ARHGAP12: variants seen among roughly 807,000 people sequenced by gnomAD.
ARHGAP12 encodes rho GTPase-activating protein 12.
ARHGAP12 carries 64 observed loss-of-function variants against 108.6 expected under a neutral mutation model. The observed-to-expected ratio is 0.59, with a 90% CI of 0.48 to 0.73. The LOEUF (loss-of-function observed/expected upper bound fraction) is 0.73, where lower values mean the gene tolerates loss of function less well. Ranked by LOEUF, ARHGAP12 falls within the 30% of genes least tolerant of loss-of-function variation. The probability of loss-of-function intolerance (pLI) is 0.00; values close to 1 mark genes in which losing one functional copy is unlikely to be tolerated. For synonymous variants in ARHGAP12, 312 were observed against 337.2 expected (o/e 0.93, Z 0.82); for missense variants, 940 against 1,005.9 (o/e 0.93, Z 0.89).
At chr10:31,814,526 T>C (rs1186202721) in intron 13 of ARHGAP12, among the ~76,000 whole-genome samples, 165 bp from the exon 14 acceptor site, 2 of 152,168 alleles carry the variant, frequency 1.3e-5, no homozygotes, top group East Asian at 3.8e-4. Context: ...ATACTTTTTT[T>C]CTCCCTAGAT....
intron 3 of ARHGAP12, among the ~76,000 whole-genome samples, chr10:31,869,620 C>T (rs1251337147): frequency 6.6e-6 from 1 of 152,140 alleles, no homozygotes; most frequent in Non-Finnish European, 1.5e-5. Flanking sequence ...TTATATCTGT[C>T]ATTAATTAAC....
chr10:31,819,822 G>A (rs1239074590), intron 12 of ARHGAP12, among the ~76,000 whole-genome samples: 5 of 152,114 alleles, frequency 3.3e-5, no homozygotes, highest in Non-Finnish European at 5.9e-5. Context: ...GCTCAGCCCA[G>A]GCCAGGCTGA....
chr10:31,838,945 G>T (rs1211674318), intron 9 of ARHGAP12, among the ~76,000 whole-genome samples: 1 of 152,018 alleles, frequency 6.6e-6, no homozygotes, highest in Non-Finnish European at 1.5e-5. Context: ...AGGGGCAGGT[G>T]GTTGAGGCTG....
chr10:31,809,565 G>T, intron 16 of ARHGAP12: 3 of 306,390 alleles, frequency 9.8e-6, no homozygotes, highest in South Asian at 6.4e-5. Flanking sequence ...TCAAGGAAAT[G>T]GTTTCATTAA....
Position 31,908,729 on chromosome 10 carries a change from C to A in ARHGAP12, c.127G>T (p.Val43Leu). 1 of 1,614,102 alleles carries A rather than the reference C, an allele frequency of 6.2e-7. No individual in the cohort carries two copies. Among genetic ancestry groups the A allele is most frequent in the Non-Finnish European group, 8.5e-7 (1 of 1,180,018 alleles). Residue 43 changes from valine to leucine, a missense_variant, in exon 3 of 20, where the codon GTG (valine) becomes TTG (leucine). Val to Leu is a conservative substitution (Grantham distance 32). Transcript: ENST00000344936. ...VIKQGERYIL[V>L]KKTNDDWWQV... ...CACCAGTCATCATTGGTCTTTTTCA[C>A]CAAGATGTACCTCTCCCCTTGTTTT...
chr10:31,893,284 A>C (rs1296743822), intron 3 of ARHGAP12, among the ~76,000 whole-genome samples: 1 of 152,062 alleles, frequency 6.6e-6, no homozygotes, highest in Admixed American at 6.6e-5. Flanking sequence ...GACACAAAAA[A>C]CCCTTCAAAA....
rs980989060 is a variant in ARHGAP12, at chr10:31,854,096, G to A, written c.1059C>T (p.Thr353=). ...CATTAGTATAGTCACTGGTATATAAGGTATGCCCACGTTCATCCAACTCTT... is the reference window on the plus strand; with the variant it reads ...CATTAGTATAGTCACTGGTATATAAAGTATGCCCACGTTCATCCAACTCTT... ...WSEELDERGH[T]LYTSDYTNEK... is the part of the protein sequence containing the mutation. The change falls in exon 5 of 20, where the codon ACC becomes ACT. Residue 353 remains threonine, a synonymous_variant. Transcript: ENST00000344936. 6.2e-7 allele frequency: 1 copy of A among 1,613,226 alleles called. No homozygotes were observed. Among genetic ancestry groups the A allele is most frequent in the Non-Finnish European group, 8.5e-7 (1 of 1,179,738 alleles).
At chr10:31,884,240 C>A (rs2799031) in intron 3 of ARHGAP12, among the ~76,000 whole-genome samples, 5 of 150,896 alleles carry the variant, frequency 3.3e-5, no homozygotes, top group Non-Finnish European at 7.4e-5. Flanking sequence ...CTAAAAAATT[C>A]TTAAATTATG....
In ARHGAP12 at chr10:31,926,718, C is replaced by T. The variant is rs138198096; in HGVS notation, c.-111+1965G>A. On this transcript the variant is annotated intron_variant, in intron 1 of 19. Coordinates refer to ENST00000344936, the MANE Select transcript of ARHGAP12 (RefSeq NM_018287.7). ...AGTACTTAAAAATTTGTAAAGTTCA[C>T]TTTCTATCAGCCTACTAAAAAACCA... 6.1e-4 allele frequency among the ~76,000 whole-genome samples: 93 copies of T among 152,284 alleles called. 1 individual carries two copies. In the South Asian group the frequency reaches 0.018, roughly 30 times the overall value.
chr10:31,924,465 T>A (rs1445985385), intron 1 of ARHGAP12, among the ~76,000 whole-genome samples: 2 of 152,196 alleles, frequency 1.3e-5, no homozygotes, highest in African/African-American at 2.4e-5. Flanking sequence ...GCAAAAGCTG[T>A]AATAGAGAAA....
chr10:31,857,306 C>T (rs1836924750), intron 4 of ARHGAP12, among the ~76,000 whole-genome samples: 1 of 152,064 alleles, frequency 6.6e-6, no homozygotes, highest in South Asian at 2.1e-4. Flanking sequence ...TCGGGAAACT[C>T]CCCTAAACAA....
chr10:31,881,107 T>A (rs1412780849), intron 3 of ARHGAP12, among the ~76,000 whole-genome samples: 1 of 151,006 alleles, frequency 6.6e-6, no homozygotes, highest in Non-Finnish European at 1.5e-5. Flanking sequence ...CCTGAGTGTC[T>A]GAGACTACAA....
intron 1 of ARHGAP12, among the ~76,000 whole-genome samples, chr10:31,920,059 T>G (rs1417175569): frequency 2.8e-5 from 4 of 142,874 alleles, no homozygotes; most frequent in African/African-American, 1.0e-4. Context: ...TGAGCCGAGA[T>G]CGCGCAACTG....
chr10:31,864,450 C>G (rs1290006122), intron 3 of ARHGAP12, among the ~76,000 whole-genome samples: 1 of 151,960 alleles, frequency 6.6e-6, no homozygotes, highest in Non-Finnish European at 1.5e-5. Context: ...AAAATAAAAC[C>G]AACTTCATAA....
intron 3 of ARHGAP12, among the ~76,000 whole-genome samples, chr10:31,905,418 T>G (rs1269046982): frequency 6.6e-6 from 1 of 152,176 alleles, no homozygotes; most frequent in Non-Finnish European, 1.5e-5. Context: ...TTATCAACAA[T>G]GAAACCATGA....
chr10:31,869,441 G>A (rs942951026), intron 3 of ARHGAP12, among the ~76,000 whole-genome samples: 1 of 152,080 alleles, frequency 6.6e-6, no homozygotes, highest in African/African-American at 2.4e-5. Context: ...GGAGGCTGAG[G>A]CAGGAGAATT....
At chr10:31,912,509 AAGG>A (rs1839394830) in intron 1 of ARHGAP12, among the ~76,000 whole-genome samples, 1 of 152,198 alleles carries the variant, frequency 6.6e-6, no homozygotes, top group South Asian at 2.1e-4. Context: ...GATAAGTATG[AAGG>A]AGGAGTTAGG....
intron 1 of ARHGAP12, among the ~76,000 whole-genome samples, chr10:31,917,303 G>T (rs1298343704): frequency 1.3e-5 from 2 of 152,182 alleles, no homozygotes; most frequent in East Asian, 3.9e-4. Context: ...AGCTACTCGG[G>T]AGACTGAGGC....
intron 1 of ARHGAP12, among the ~76,000 whole-genome samples, chr10:31,916,888 T>G (rs1839579011): frequency 6.6e-6 from 1 of 152,096 alleles, no homozygotes; most frequent in Non-Finnish European, 1.5e-5. Context: ...GTGCTGGGAT[T>G]ACAGGTGTGA....
Sources: gnomAD v4.1 joint callset for allele counts (sites outside exome capture counted in the v4.1 genomes callset) on GRCh38, gnomAD v4.1.1 for gene constraint, MANE v1.5 for transcripts, NCBI Gene and HGNC (gene_info 2026-07-23, HGNC 2026-07-21) for gene names.